Variants in GLIPR1L1 observed in about 807,000 individuals in gnomAD.
The protein encoded by GLIPR1L1 is GLIPR1 like 1.
GLIPR1L1 carries 26 observed loss-of-function variants against 29.9 expected under a neutral mutation model. That is an observed-to-expected ratio of 0.87 (90% CI 0.64 to 1.21). The LOEUF (loss-of-function observed/expected upper bound fraction) is 1.21. Ranked by LOEUF, GLIPR1L1 falls within the 50% of genes most tolerant of loss-of-function variation. GLIPR1L1 has a pLI of 0.00. For missense variants in GLIPR1L1, 305 were observed against 290.3 expected, an observed-to-expected ratio of 1.05 and a Z score of -0.37; for synonymous variants, 77 against 97.5, an observed-to-expected ratio of 0.79 and a Z score of 1.24.
chr12:75,338,884 G>A (rs1308851803), intron 1 of GLIPR1L1, among the ~76,000 whole-genome samples: 1 of 152,124 alleles, frequency 6.6e-6, no homozygotes, highest in Non-Finnish European at 1.5e-5. Flanking sequence ...AGTTTGCTGA[G>A]GATAATAGCT....
intron 2 of GLIPR1L1, among the ~76,000 whole-genome samples, chr12:75,346,240 T>A (rs1476293305): frequency 1.3e-5 from 2 of 152,182 alleles, no homozygotes; most frequent in East Asian, 1.9e-4. Context: ...ATATATATAT[T>A]TTAGTTGTAT....
At chr12:75,356,875 A>G (rs1287442044) in intron 3 of GLIPR1L1, among the ~76,000 whole-genome samples, 2 of 152,188 alleles carry the variant, frequency 1.3e-5, no homozygotes, top group African/African-American at 2.4e-5. Flanking sequence ...AAAAAAGTTT[A>G]CCATGCTAAC....
chr12:75,367,232 C>T (rs1411729534), intron 4 of GLIPR1L1, among the ~76,000 whole-genome samples: 1 of 115,298 alleles, frequency 8.7e-6, no homozygotes, highest in African/African-American at 3.4e-5. Flanking sequence ...TACCTCTAAA[C>T]TAGAATTAGG....
At chr12:75,362,249 C>T (rs563833969) in intron 3 of GLIPR1L1, among the ~76,000 whole-genome samples, 2 of 152,106 alleles carry the variant, frequency 1.3e-5, no homozygotes, top group Non-Finnish European at 2.9e-5. Context: ...AACAAATACA[C>T]ACATTAAAAT....
chr12:75,345,335 T>C (rs2042380724), intron 2 of GLIPR1L1, among the ~76,000 whole-genome samples: 1 of 152,130 alleles, frequency 6.6e-6, no homozygotes, highest in Admixed American at 6.5e-5. Context: ...TTACTTCCTA[T>C]AATTTTCTCA....
intron 4 of GLIPR1L1, among the ~76,000 whole-genome samples, chr12:75,367,321 A>T (rs2044043674): frequency 6.6e-6 from 1 of 150,690 alleles, no homozygotes; most frequent in Non-Finnish European, 1.5e-5. Context: ...AGTAACACTT[A>T]GCTTAAAACA....
At position 75,347,680 on chromosome 12, in the gene GLIPR1L1, G is replaced by A. The variant is rs1002994323; in HGVS notation, c.479G>A (p.Gly160Glu). Residue 160 changes from glycine (G) to glutamate (E), a missense_variant, in exon 3 of 6, where the codon GGG (glycine) becomes GAG (glutamate). Coordinates refer to ENST00000378695, the MANE Select transcript of GLIPR1L1 (RefSeq NM_001304964.2). Reference sequence around the variant, plus strand: ...GCAGTTGCAATGTGTCCTAACCTTGGGGGAGCTTCAACTGCAATATTTGTA... The same window carrying A: ...GCAGTTGCAATGTGTCCTAACCTTGAGGGAGCTTCAACTGCAATATTTGTA... Reference protein sequence around the residue: ...GCAVAMCPNLGGASTAIFVCN... With the variant: ...GCAVAMCPNLEGASTAIFVCN... 1 of 1,606,588 alleles carries A rather than the reference G, an allele frequency of 6.2e-7. No individual in the cohort carries two copies. Among genetic ancestry groups the A allele is most frequent in the Admixed American group, 1.7e-5 (1 of 59,742 alleles).
intron 1 of GLIPR1L1, among the ~76,000 whole-genome samples, chr12:75,337,822 T>G (rs1228520374): frequency 6.6e-6 from 1 of 152,024 alleles, no homozygotes; most frequent in Non-Finnish European, 1.5e-5. Flanking sequence ...TTTCTATTAT[T>G]ATTTTTCGAC....
chr12:75,363,547 A>G (rs1041063356), intron 4 of GLIPR1L1, among the ~76,000 whole-genome samples: 1 of 152,184 alleles, frequency 6.6e-6, no homozygotes, highest in Non-Finnish European at 1.5e-5. Context: ...GTAATTTGTC[A>G]GTCAATGTCC....
At chr12:75,363,253 T>C in intron 4 of GLIPR1L1, 63 bp downstream of exon 4, 1 of 787,682 alleles carries the variant, frequency 1.3e-6, no homozygotes, top group Non-Finnish European at 1.8e-6. Flanking sequence ...ATTTATTAAA[T>C]TTTAAAATTT....
At chr12:75,354,139 C>G (rs778278697) in intron 3 of GLIPR1L1, among the ~76,000 whole-genome samples, 22 of 131,808 alleles carry the variant, frequency 1.7e-4, no homozygotes, top group Non-Finnish European at 3.2e-4. Flanking sequence ...GAAGTTCTGG[C>G]CAGAGCAATC....
chr12:75,334,925 C>A (rs765976740), intron 1 of GLIPR1L1, 23 bp downstream of exon 1: 6 of 1,603,952 alleles, frequency 3.7e-6, no homozygotes, highest in Non-Finnish European at 5.1e-6. Context: ...CAGGGCTGGG[C>A]TCTTAAATCC....
chr12:75,365,772 C>A, intron 4 of GLIPR1L1, among the ~76,000 whole-genome samples: 1 of 152,090 alleles, frequency 6.6e-6, no homozygotes, highest in South Asian at 2.1e-4. Flanking sequence ...CATTTTTATA[C>A]CCTATGAATT....
At position 75,354,170 on chromosome 12, in the gene GLIPR1L1, G is replaced by GT. The variant is rs1003919920; in HGVS notation, c.521+6448_521+6449insT. 9.7e-5 allele frequency among the ~76,000 whole-genome samples: 14 copies of GT among 144,880 alleles called. 1 individual carries two copies. Among genetic ancestry groups the GT allele is most frequent in the African/African-American group, 2.8e-4 (11 of 39,010 alleles). On this transcript the variant is annotated intron_variant, in intron 3 of 5. Coordinates refer to ENST00000378695, the MANE Select transcript of GLIPR1L1 (RefSeq NM_001304964.2). ...CAATCAGGGAAGAGAAAAAAAAGGG[G>GT]GGGGGGTATTCAAATAGGAAAAGAG... is the stretch of plus-strand genomic sequence containing the variant.
At chr12:75,359,400 T>A (rs79569066) in intron 3 of GLIPR1L1, among the ~76,000 whole-genome samples, 4,345 of 136,806 alleles carry the variant, frequency 0.032, 96 homozygotes, top group East Asian at 0.042. Flanking sequence ...TGAATTGATC[T>A]ATGAATTCAA....
intron 2 of GLIPR1L1, among the ~76,000 whole-genome samples, chr12:75,344,298 C>A (rs1256063023): frequency 2.0e-5 from 3 of 152,070 alleles, no homozygotes; most frequent in Non-Finnish European, 4.4e-5. Flanking sequence ...CCCACATAAA[C>A]TGATGCTCTT....
chr12:75,367,751 A>G (rs1157753022), intron 4 of GLIPR1L1, among the ~76,000 whole-genome samples: 1 of 152,264 alleles, frequency 6.6e-6, no homozygotes, highest in East Asian at 1.9e-4. Context: ...CGTTAAAAAT[A>G]ATGCGTTTTG....
At chr12:75,351,874 T>A (rs887520123) in intron 3 of GLIPR1L1, among the ~76,000 whole-genome samples, 8 of 152,004 alleles carry the variant, frequency 5.3e-5, no homozygotes, top group African/African-American at 1.7e-4. Flanking sequence ...AAGAAAAAAA[T>A]TTTCAGTCTA....
chr12:75,356,809 A>G (rs1187378430), intron 3 of GLIPR1L1, among the ~76,000 whole-genome samples: 35 of 152,190 alleles, frequency 2.3e-4, no homozygotes, highest in Admixed American at 2.3e-3. Flanking sequence ...AAACTTTAGG[A>G]TTCTTTTTTT....
Sources: allele counts gnomAD v4.1 joint callset (sites outside exome capture counted in the v4.1 genomes callset), GRCh38; gene constraint gnomAD v4.1.1; transcripts MANE v1.5; gene names NCBI Gene and HGNC (gene_info 2026-07-23, HGNC 2026-07-21).